The following POLN variants were observed in gnomAD, a reference collection of about 807,000 sequenced individuals.
The protein encoded by POLN is DNA polymerase N.
Under a neutral mutation model 113.5 loss-of-function variants are expected in POLN, and 108 were observed. That is an observed-to-expected ratio of 0.95 (90% CI 0.81 to 1.12). The LOEUF (loss-of-function observed/expected upper bound fraction) is 1.12. Ranked by LOEUF, POLN falls within the 50% of genes most tolerant of loss-of-function variation. The pLI is 0.00. For synonymous variants in POLN, 386 were observed against 391.5 expected (o/e 0.99, Z 0.17); for missense variants, 1,097 against 1,077.1 (o/e 1.02, Z -0.26).
intron 19 of POLN, among the ~76,000 whole-genome samples, chr4:2,120,979 CAT>C (rs1731424996): frequency 6.6e-6 from 1 of 152,218 alleles, no homozygotes; most frequent in Admixed American, 6.5e-5. Context: ...GGATTTTGCA[CAT>C]AGACAATCAT....
intron 3 of POLN, among the ~76,000 whole-genome samples, chr4:2,223,075 G>A (rs781009741): frequency 2.6e-5 from 4 of 152,102 alleles, no homozygotes; most frequent in African/African-American, 7.2e-5. Flanking sequence ...ATGGAGCCTG[G>A]GGAAGCTGAA....
intron 4 of POLN, among the ~76,000 whole-genome samples, chr4:2,210,624 TAATAATAAA>T (rs147182118): frequency 0.071 from 8,987 of 126,030 alleles, 673 homozygotes; most frequent in East Asian, 0.28. Context: ...ATAATAATAA[TAATAATAAA>T]AAAAAGAGGC....
rs186145092 is a variant in POLN at position 2,114,624 on chromosome 4, G to C, written c.1982+13489C>G. 1.4e-3 allele frequency among the ~76,000 whole-genome samples: 208 copies of C among 152,214 alleles called. 1 individual carries two copies. Among genetic ancestry groups the C allele is most frequent in the African/African-American group, 4.8e-3 (200 of 41,534 alleles). ...CTTTAATTTGTATTGTTGTTCCTTT[G>C]TATACACATGATGTGTCTTTTGTCC... On this transcript the variant is annotated intron_variant, in intron 19 of 25. Coordinates refer to ENST00000511885, the MANE Select transcript of POLN (RefSeq NM_181808.4).
At chr4:2,114,658 C>T (rs73079269) in intron 19 of POLN, among the ~76,000 whole-genome samples, 4,318 of 152,254 alleles carry the variant, frequency 0.028, 205 homozygotes, top group African/African-American at 0.097. Context: ...CCTCAGATGG[C>T]TTTCAAGATT....
At chr4:2,180,543 C>G (rs996012636) in intron 7 of POLN, among the ~76,000 whole-genome samples, 1 of 152,126 alleles carries the variant, frequency 6.6e-6, no homozygotes, top group African/African-American at 2.4e-5. Flanking sequence ...CATTTGATAT[C>G]TAGGAAGGCT....
At chr4:2,091,791 G>GTA in intron 20 of POLN, among the ~76,000 whole-genome samples, 1 of 125,548 alleles carries the variant, frequency 8.0e-6, no homozygotes, top group Non-Finnish European at 1.7e-5. Context: ...GTGTGTGTGT[G>GTA]TGTGTGTGTG....
At chr4:2,175,955 A>C (rs1272573055) in intron 9 of POLN, among the ~76,000 whole-genome samples, 1 of 152,202 alleles carries the variant, frequency 6.6e-6, no homozygotes, top group Non-Finnish European at 1.5e-5. Flanking sequence ...GGTTGAGTGA[A>C]GCTATGTCCA....
chr4:2,222,354 G>T (rs956742365), intron 3 of POLN, among the ~76,000 whole-genome samples: 1 of 151,938 alleles, frequency 6.6e-6, no homozygotes, highest in Non-Finnish European at 1.5e-5. Flanking sequence ...ACCAGACTGG[G>T]CAGCATGGTG....
rs576557875 is a variant in POLN, at chr4:2,109,556, G to C, written c.1983-13623C>G. On this transcript the variant is annotated intron_variant, in intron 19 of 25. Coordinates refer to ENST00000511885, the MANE Select transcript of POLN (RefSeq NM_181808.4). ...CAATTTTTGCTTTAGGTATTTTAAA[G>C]TTGTTTTAATAGGTGTATTAAAATT... Among the ~76,000 whole-genome samples, 11 of 152,256 alleles carry C rather than the reference G, an allele frequency of 7.2e-5. No individual in the cohort carries two copies. The East Asian group carries it at 1.9e-3, about 27-fold the overall frequency.
At chr4:2,102,740 C>T (rs576533586) in intron 19 of POLN, among the ~76,000 whole-genome samples, 10 of 151,444 alleles carry the variant, frequency 6.6e-5, no homozygotes, top group African/African-American at 2.4e-4. Flanking sequence ...TTAGTCCCCA[C>T]ACAACTTTAC....
At position 2,182,045 on chromosome 4, in the gene POLN, A is replaced by G. The variant is rs1306393661; in HGVS notation, c.1022-2580T>C. The stretch of plus-strand genomic sequence containing the variant: ...CTTTAAACTACATAAAGACATATAC[A>G]TAATCAATACAGCGTAGTATCGACA... On this transcript the variant is annotated intron_variant, in intron 7 of 25. Transcript: ENST00000511885. 3.3e-5 allele frequency among the ~76,000 whole-genome samples: 5 copies of G among 152,276 alleles called. No individual in the cohort carries two copies. The East Asian group carries it at 9.7e-4, about 29-fold the overall frequency.
chr4:2,077,993 C>T (rs965963106), intron 23 of POLN, among the ~76,000 whole-genome samples: 4 of 152,304 alleles, frequency 2.6e-5, no homozygotes, highest in African/African-American at 9.6e-5. Flanking sequence ...ATCTGGATGG[C>T]CTGACTGAGA....
In POLN at chr4:2,093,556, T is replaced by C. The variant is rs1577687203; in HGVS notation, c.2065+2295A>G. ...GCTGCCGGGCCCAGGACTGGGGAGG[T>C]GATGTCCTGCCGGCAGAGCAGAAGC... On this transcript the variant is annotated intron_variant, in intron 20 of 25. Coordinates refer to ENST00000511885, the MANE Select transcript of POLN (RefSeq NM_181808.4). The surrounding 1 kb of genome is among the most constrained non-coding windows in gnomAD (Gnocchi z 4.1). Among the ~76,000 whole-genome samples, 1 of 151,524 alleles carries C rather than the reference T, an allele frequency of 6.6e-6. No individual in the cohort carries two copies.
chr4:2,187,064 G>C (rs1733293587), intron 7 of POLN, among the ~76,000 whole-genome samples: 1 of 152,104 alleles, frequency 6.6e-6, no homozygotes, highest in Non-Finnish European at 1.5e-5. Flanking sequence ...AAAAGACACA[G>C]AGGAGTAAAA....
intron 16 of POLN, among the ~76,000 whole-genome samples, chr4:2,142,174 C>T (rs1298192673): frequency 6.6e-6 from 1 of 152,182 alleles, no homozygotes; most frequent in East Asian, 1.9e-4. Flanking sequence ...AAACAAAACA[C>T]TTTTTGATCT....
chr4:2,230,392 A>G (rs904262848), intron 2 of POLN: 2 of 152,188 alleles, frequency 1.3e-5, no homozygotes, highest in African/African-American at 2.4e-5. Flanking sequence ...ACCAGGTGAC[A>G]TATTTTCCAC....
intron 21 of POLN, among the ~76,000 whole-genome samples, chr4:2,082,415 C>G (rs1416166561): frequency 6.6e-6 from 1 of 152,188 alleles, no homozygotes; most frequent in Non-Finnish European, 1.5e-5. Context: ...AGCCCACATC[C>G]TCAAGGAGGG....
At chr4:2,154,760 G>A (rs1732383021) in intron 16 of POLN, among the ~76,000 whole-genome samples, 1 of 152,150 alleles carries the variant, frequency 6.6e-6, no homozygotes, top group Non-Finnish European at 1.5e-5. Flanking sequence ...TATGTTTATG[G>A]TATTTCTATA....
Position 2,236,312 on chromosome 4 carries a change from G to T in POLN, c.-13+5208C>A, listed in dbSNP as rs763337953. Reference sequence around the variant, plus strand: ...CATCCTTATTCCGTTTGGACAGAAAGAAAGAATGTTCTTGAGCAGATACTG... The same window carrying T: ...CATCCTTATTCCGTTTGGACAGAAATAAAGAATGTTCTTGAGCAGATACTG... On this transcript the variant is annotated intron_variant, in intron 2 of 25. Transcript: ENST00000511885. 5.0e-6 allele frequency: 8 copies of T among 1,613,740 alleles called. No individual in the cohort carries two copies. The East Asian group carries it at 1.6e-4, about 31-fold the overall frequency.
Sources: gnomAD v4.1 joint callset for allele counts (sites outside exome capture counted in the v4.1 genomes callset) on GRCh38, gnomAD v4.1.1 for gene constraint, Gnocchi (gnomAD v3.1) non-coding constraint, MANE v1.5 for transcripts, NCBI Gene and HGNC (gene_info 2026-07-23, HGNC 2026-07-21) for gene names.